The following RAB24 variants were observed in gnomAD, a reference collection of about 807,000 sequenced individuals.
RAB24 encodes ras-related protein Rab-24.
In RAB24, 9 loss-of-function variants were observed where a neutral mutation model predicts 31.4. The ratio of observed to expected loss-of-function variants is 0.29; its 90% CI spans 0.17 to 0.50. The LOEUF is 0.50. Among genes scored for constraint, RAB24 ranks in the 20% least tolerant of loss-of-function variants. The probability of loss-of-function intolerance (pLI) is 0.98; values close to 1 mark genes in which losing one functional copy is unlikely to be tolerated. For missense variants in RAB24, 197 were observed against 265.2 expected (o/e 0.74, Z 1.79); for synonymous variants, 106 against 94.1 (o/e 1.13, Z -0.73).
intron 5 of RAB24, 39 bp downstream of exon 5, chr5:177,302,358 C>T (rs935551466): frequency 2.6e-5 from 41 of 1,607,712 alleles, no homozygotes; most frequent in Non-Finnish European, 3.5e-5. Context: ...CCCAGACAGC[C>T]ACACACCCCC....
Position 177,303,239 on chromosome 5 carries a change from T to A in RAB24, c.50A>T (p.Tyr17Phe), listed in dbSNP as rs1286447963. ...DVKVVMLGKEYVGKTSLVERY... is the reference protein window; with the variant it reads ...DVKVVMLGKEFVGKTSLVERY... Reference sequence around the variant, plus strand: ...CTCCACCAGGCTAGTCTTGCCCACGTACTCCTTGCCCAGCATCACCACCTT... The same window carrying A: ...CTCCACCAGGCTAGTCTTGCCCACGAACTCCTTGCCCAGCATCACCACCTT... Residue 17 changes from tyrosine to phenylalanine, a missense_variant, in exon 1 of 8, where the codon TAC becomes TTC. By Grantham distance (22) the Tyr-to-Phe change is conservative. Transcript: ENST00000303251. This position sits in a 1 kb window ranked among gnomAD's most constrained non-coding sequence, Gnocchi z 6.1. 1 of 1,613,594 alleles carries A rather than the reference T, an allele frequency of 6.2e-7. No homozygotes were observed. The highest frequency in any genetic ancestry group is 8.5e-7 in the Non-Finnish European group (1 of 1,180,006).
In RAB24 at chr5:177,303,446, G is replaced by A. The variant is rs1246386729; in HGVS notation, c.-158C>T. ...AGCGCGTCGGGCTCGAGCTCTGGCCGTGGCCTTGCACTTCGGCAGCGCCCC... is the reference window on the plus strand; with the variant it reads ...AGCGCGTCGGGCTCGAGCTCTGGCCATGGCCTTGCACTTCGGCAGCGCCCC... On this transcript the variant is annotated 5_prime_UTR_variant, in exon 1 of 8. The change creates a new upstream start codon in the 5' untranslated region. Transcript: ENST00000303251. This position sits in a 1 kb window ranked among gnomAD's most constrained non-coding sequence, Gnocchi z 6.1. 2 of 675,452 alleles carry A rather than the reference G, an allele frequency of 3.0e-6. No homozygotes were observed. The highest frequency in any genetic ancestry group is 5.0e-6 in the Non-Finnish European group (2 of 397,470). The allele number at this position is 675,452 out of a possible 1,614,324, so 41.8% of individuals were successfully genotyped here. A position where few individuals can be genotyped will look rare whatever the true frequency, so the allele number is the denominator to read the frequency against.
At chr5:177,302,936 T>C (rs1231647503) in intron 2 of RAB24, 73 bp downstream of exon 2, 1 of 1,589,732 alleles carries the variant, frequency 6.3e-7, no homozygotes, top group African/African-American at 1.3e-5. Flanking sequence ...AGGCCACAAA[T>C]CAACCAGTAA....
Position 177,303,206 on chromosome 5 carries a change from A to G in RAB24, c.83T>C (p.Val28Ala), listed in dbSNP as rs897822264. 2.5e-6 allele frequency: 4 copies of G among 1,613,658 alleles called. No individual in the cohort carries two copies. The highest frequency in any genetic ancestry group is 3.4e-6 in the Non-Finnish European group (4 of 1,179,986). The change falls in exon 1 of 8, where the codon GTG (valine) becomes GCG (alanine). Residue 28 changes from valine to alanine, a missense_variant. Transcript: ENST00000303251. The surrounding 1 kb of genome is among the most constrained non-coding windows in gnomAD (Gnocchi z 6.1). Reference sequence around the variant, plus strand: ...AGGCCCCACCAGAAAGCGGTCGTGCACGTAGCGCTCCACCAGGCTAGTCTT... The same window carrying G: ...AGGCCCCACCAGAAAGCGGTCGTGCGCGTAGCGCTCCACCAGGCTAGTCTT... ...VGKTSLVERYVHDRFLVGPYQ... is the reference protein window; with the variant it reads ...VGKTSLVERYAHDRFLVGPYQ...
chr5:177,302,228 A>G, intron 5 of RAB24, 50 bp from the exon 6 acceptor site: 1 of 1,604,734 alleles, frequency 6.2e-7, no homozygotes, highest in Non-Finnish European at 8.5e-7. Flanking sequence ...AGATAAACAG[A>G]CAAAAGGGAG....
intron 2 of RAB24, 45 bp downstream of exon 2, chr5:177,302,964 T>A: frequency 1.2e-6 from 2 of 1,604,652 alleles, no homozygotes; most frequent in Non-Finnish European, 1.7e-6. Context: ...GACCTACACC[T>A]CCTCAGGAAT....
Position 177,302,897 on chromosome 5 carries a change from G to A in RAB24, c.187-67C>T, listed in dbSNP as rs906787381. ...CAGACCCCGCTATTTTCCAGATAAG[G>A]AAACGGGTCTATGAGAAATGGGTCT... On this transcript the variant is annotated intron_variant, in intron 2 of 7. Transcript: ENST00000303251. 4 of 1,597,264 alleles carry A rather than the reference G, an allele frequency of 2.5e-6. No homozygotes were observed. In the African/African-American group the frequency reaches 5.4e-5, roughly 21 times the overall value.
chr5:177,302,991 G>C lies in RAB24; in HGVS notation c.186+18C>G, dbSNP rs764948203. The C allele has an allele frequency of 3.4e-5, 55 of 1,613,086 alleles. 1 individual carries two copies. The South Asian group carries it at 6.0e-4, about 18-fold the overall frequency. On this transcript the variant is annotated intron_variant, in intron 2 of 7. Coordinates refer to ENST00000303251, the MANE Select transcript of RAB24 (RefSeq NM_001031677.4). ...CTCAGGAATGAGTCTCCCAAGAATA[G>C]ATGGCCGGGGGACTTACCCAAATAC...
In RAB24 at chr5:177,303,161, G is replaced by A. The variant is rs201215852; in HGVS notation, c.117+11C>T. The stretch of plus-strand genomic sequence containing the variant: ...CCGCCCACCGTGCCTGGCCCCTCCG[G>A]ATGCACTCACGTTCTGATAAGGCCC... On this transcript the variant is annotated intron_variant, in intron 1 of 7. Transcript: ENST00000303251. This position sits in a 1 kb window ranked among gnomAD's most constrained non-coding sequence, Gnocchi z 6.1. The A allele has an allele frequency of 3.0e-4, 487 of 1,613,526 alleles. No homozygotes were observed. Among genetic ancestry groups the A allele is most frequent in the Non-Finnish European group, 3.6e-4 (428 of 1,179,912 alleles).
rs372386188 is a variant in RAB24 at position 177,301,797 on chromosome 5, G to A, written c.558C>T (p.Gly186=). Residue 186 remains glycine (G), a synonymous_variant, in exon 8 of 8, where the codon GGC becomes GGT. Coordinates refer to ENST00000303251, the MANE Select transcript of RAB24 (RefSeq NM_001031677.4). ...AAFQVMTEDK[G]VDLGQKPNPY... is the part of the protein sequence containing the mutation. ...GGTTTGGCTTCTGGCCCAGATCCAC[G>A]CCCTTGTCCTCTGTCAAAAAGAGAG... The A allele has an allele frequency of 1.2e-5, 19 of 1,614,078 alleles. No homozygotes were observed. The highest frequency in any genetic ancestry group is 3.3e-5 in the Admixed American group (2 of 59,998).
In RAB24 at chr5:177,301,415, T is replaced by C; in HGVS notation, c.*328A>G. On this transcript the variant is annotated 3_prime_UTR_variant, in exon 8 of 8. Transcript: ENST00000303251. ...TGGCCCCAGGAAGAACTAGGTGTCT[T>C]GACACCTAATCCACACAGCAGGGAA... 3.1e-6 allele frequency: 1 copy of C among 323,158 alleles called. No homozygotes were observed. The highest frequency in any genetic ancestry group is 5.8e-6 in the Non-Finnish European group (1 of 171,646). 20.0% of individuals were successfully genotyped at this position (323,158 alleles called of 1,614,324 possible).
chr5:177,301,770 G>A lies in RAB24; in HGVS notation c.585C>T (p.Pro195=), dbSNP rs1562322820. ...AGTGATGACAACAGCTGTAGAAGTA[G>A]GGGTTTGGCTTCTGGCCCAGATCCA... The part of the protein sequence containing the change: ...KGVDLGQKPN[P]YFYSCCHH The change falls in exon 8 of 8, where the codon CCC becomes CCT. Residue 195 remains proline (P), a synonymous_variant. Coordinates refer to ENST00000303251, the MANE Select transcript of RAB24 (RefSeq NM_001031677.4). 1.2e-6 allele frequency: 2 copies of A among 1,614,112 alleles called. No individual in the cohort carries two copies. Among genetic ancestry groups the A allele is most frequent in the Non-Finnish European group, 1.7e-6 (2 of 1,180,036 alleles).
At position 177,301,287 on chromosome 5, in the gene RAB24, C is replaced by T. The variant is rs1257149632; in HGVS notation, c.*456G>A. On this transcript the variant is annotated 3_prime_UTR_variant, in exon 8 of 8. Coordinates refer to ENST00000303251, the MANE Select transcript of RAB24 (RefSeq NM_001031677.4). ...GGAACTGTGAGCTTTTATACTACTACAGCCCCAGTATCTCAGCGGTAACCA... is the reference window on the plus strand; with the variant it reads ...GGAACTGTGAGCTTTTATACTACTATAGCCCCAGTATCTCAGCGGTAACCA... The T allele has an allele frequency of 5.2e-6, 1 of 191,632 alleles. No individual in the cohort carries two copies. Among genetic ancestry groups the T allele is most frequent in the East Asian group, 1.3e-4 (1 of 7,580 alleles). 11.9% of individuals were successfully genotyped at this position (191,632 alleles called of 1,614,324 possible).
chr5:177,301,699 T>C lies in RAB24; in HGVS notation c.*44A>G. ...CCAGAAAGGAGCTGGGTCCAGCCCT[T>C]ACGGGGAATTCCTTTAATTCCCCCA... On this transcript the variant is annotated 3_prime_UTR_variant, in exon 8 of 8. Transcript: ENST00000303251. The C allele has an allele frequency of 1.2e-6, 2 of 1,604,846 alleles. No homozygotes were observed. The highest frequency in any genetic ancestry group is 1.1e-5 in the South Asian group (1 of 90,860).
intron 6 of RAB24, 30 bp from the exon 7 acceptor site, chr5:177,302,017 C>G (rs767050757): frequency 6.2e-7 from 1 of 1,613,086 alleles, no homozygotes; most frequent in Non-Finnish European, 8.5e-7. Context: ...TCAGCGAGGG[C>G]CCAATGCCAG....
chr5:177,302,202 C>T (rs1296451092), intron 5 of RAB24, 24 bp from the exon 6 acceptor site: 2 of 1,612,944 alleles, frequency 1.2e-6, no homozygotes, highest in Non-Finnish European at 1.7e-6. Context: ...TGACTAAAGC[C>T]TCATACCTGA....
chr5:177,302,108 G>A lies in RAB24; in HGVS notation c.484+20C>T, dbSNP rs1192688998. 1.9e-6 allele frequency: 3 copies of A among 1,613,748 alleles called. No homozygotes were observed. The highest frequency in any genetic ancestry group is 2.5e-6 in the Non-Finnish European group (3 of 1,179,714). On this transcript the variant is annotated intron_variant, in intron 6 of 7. Transcript: ENST00000303251. ...GTGCCCCTGCATGTTCCTGCTGTGAGGCTCCAGCACAGCACTCACCCACAC... is the reference window on the plus strand; with the variant it reads ...GTGCCCCTGCATGTTCCTGCTGTGAAGCTCCAGCACAGCACTCACCCACAC...
intron 2 of RAB24, 75 bp downstream of exon 2, chr5:177,302,934 A>G (rs1186056909): frequency 1.1e-5 from 18 of 1,589,620 alleles, no homozygotes; most frequent in Non-Finnish European, 1.6e-5. Flanking sequence ...TGAGGCCACA[A>G]ATCAACCAGT....
At chr5:177,302,277 AAGG>A in intron 5 of RAB24, 99 bp from the exon 6 acceptor site, 1 of 1,554,400 alleles carries the variant, frequency 6.4e-7, no homozygotes. Context: ...CCCACAGTTC[AAGG>A]AGGCCAGGAA....
Sources: gnomAD v4.1 joint callset for allele counts on GRCh38, gnomAD v4.1.1 for gene constraint, Gnocchi (gnomAD v3.1) non-coding constraint, MANE v1.5 for transcripts, NCBI Gene and HGNC (gene_info 2026-07-23, HGNC 2026-07-21) for gene names.